Variants in ZNF600 observed in about 807,000 individuals in gnomAD.
The protein encoded by ZNF600 is zinc finger protein 600.
Under a neutral mutation model 7.3 loss-of-function variants are expected in ZNF600, and 4 were observed. The observed-to-expected ratio is 0.55, with a 90% CI of 0.27 to 1.25. ZNF600 has a LOEUF of 1.25. ZNF600 is among the 50% of genes most tolerant of loss of function. The pLI is 0.12. For missense variants in ZNF600, 911 were observed against 922.1 expected, an observed-to-expected ratio of 0.99 and a Z score of 0.16; for synonymous variants, 290 against 308.9, an observed-to-expected ratio of 0.94 and a Z score of 0.64.
chr19:52,766,827 A>G, exon 4 of ZNF600: 1 of 1,613,950 alleles, frequency 6.2e-7, no homozygotes, highest in Non-Finnish European at 8.5e-7. Context: ...CCGACTGAAA[A>G]CTTTGTCACA....
exon 4 of ZNF600, chr19:52,765,621 T>C: frequency 6.2e-7 from 1 of 1,613,978 alleles, no homozygotes; most frequent in South Asian, 1.1e-5. Flanking sequence ...AACTGCCTGA[T>C]GGTGAATAAG....
exon 4 of ZNF600, chr19:52,766,442 T>C (rs2147481700): frequency 4.3e-6 from 7 of 1,614,114 alleles, no homozygotes; most frequent in East Asian, 2.2e-5. Flanking sequence ...AAGGTTGCTC[T>C]CCAGTATGAA....
At chr19:52,810,705 C>G in the ZNF600 span, 1 of 749,126 alleles carries the variant, frequency 1.3e-6, no homozygotes. Context: ...ATTCCCCTTA[C>G]TAAAAAAAAT....
chr19:52,793,806 ACACAC>A, the ZNF600 span, among the ~76,000 whole-genome samples: 1 of 110,956 alleles, frequency 9.0e-6, no homozygotes, highest in Non-Finnish European at 1.9e-5. Context: ...ACACACACAC[ACACAC>A]ACACACAAAA....
chr19:52,821,200 TC>T, the ZNF600 span, among the ~76,000 whole-genome samples: 2,056 of 151,812 alleles, frequency 0.014, 44 homozygotes, highest in African/African-American at 0.046. Context: ...AACGCAGCCT[TC>T]CCGGGACTGG....
chr19:52,767,253 C>G, exon 4 of ZNF600: 5 of 1,614,124 alleles, frequency 3.1e-6, no homozygotes, highest in Non-Finnish European at 4.2e-6. Flanking sequence ...AAAGGCTTTG[C>G]CACTCTCATT....
intron 2 of ZNF600, among the ~76,000 whole-genome samples, chr19:52,777,981 C>T (rs899715766): frequency 6.6e-6 from 1 of 151,990 alleles, no homozygotes; most frequent in African/African-American, 2.4e-5. Context: ...CATTGTACTC[C>T]AGAACTAAGC....
At chr19:52,769,882 G>A (rs868315798) in intron 3 of ZNF600, among the ~76,000 whole-genome samples, 1 of 152,116 alleles carries the variant, frequency 6.6e-6, no homozygotes, top group Non-Finnish European at 1.5e-5. Context: ...TGAGTGGAGT[G>A]TGGCAGTTAT....
At chr19:52,803,074 A>T in the ZNF600 span, among the ~76,000 whole-genome samples, 1 of 149,314 alleles carries the variant, frequency 6.7e-6, no homozygotes. Context: ...TTTTAAAAAA[A>T]ATTTTATGTA....
the ZNF600 span, among the ~76,000 whole-genome samples, chr19:52,812,266 G>A: frequency 1.1e-4 from 15 of 139,608 alleles, 1 homozygote; most frequent in Middle Eastern, 3.7e-3. Flanking sequence ...TGGGAGGTGT[G>A]CCCAGCGGCT....
chr19:52,766,641 G>A (rs759118133), exon 4 of ZNF600: 2 of 1,613,780 alleles, frequency 1.2e-6, no homozygotes, highest in South Asian at 2.2e-5. Flanking sequence ...GCATACAAGG[G>A]ATGACTTGTG....
At chr19:52,823,995 A>T in the ZNF600 span, among the ~76,000 whole-genome samples, 1 of 151,888 alleles carries the variant, frequency 6.6e-6, no homozygotes, top group Non-Finnish European at 1.5e-5. Flanking sequence ...CCCAGGAGAC[A>T]CGGAGGTTGT....
At chr19:52,796,215 T>G in the ZNF600 span, among the ~76,000 whole-genome samples, 9 of 152,152 alleles carry the variant, frequency 5.9e-5, no homozygotes, top group Non-Finnish European at 1.3e-4. Flanking sequence ...GTCCTGGGTC[T>G]GGGGACAGGG....
chr19:52,798,086 C>T, the ZNF600 span: 2 of 155,234 alleles, frequency 1.3e-5, no homozygotes, highest in Non-Finnish European at 2.8e-5. Context: ...CATGCCACTG[C>T]ACTCCAACCT....
At chr19:52,827,243 T>TAAAAAAAAAA in the ZNF600 span, among the ~76,000 whole-genome samples, 1 of 69,286 alleles carries the variant, frequency 1.4e-5, no homozygotes, top group East Asian at 2.6e-4. Context: ...ACCCTGTCTC[T>TAAAAAAAAAA]AAAAACAAAA....
At chr19:52,796,593 A>G in the ZNF600 span, among the ~76,000 whole-genome samples, 1 of 152,316 alleles carries the variant, frequency 6.6e-6, no homozygotes, top group African/African-American at 2.4e-5. Context: ...CAGTCTCCAC[A>G]GAAGCTGAAC....
At chr19:52,800,850 C>A in the ZNF600 span, 1 of 1,614,004 alleles carries the variant, frequency 6.2e-7, no homozygotes, top group Non-Finnish European at 8.5e-7. Flanking sequence ...AGCTTTGTCA[C>A]AAACCTTACA....
chr19:52,778,043 T>A (rs1274773749), intron 2 of ZNF600, among the ~76,000 whole-genome samples: 9 of 151,972 alleles, frequency 5.9e-5, no homozygotes, highest in African/African-American at 1.9e-4. Context: ...AGACAGAGTC[T>A]CACTCTGTCT....
chr19:52,795,461 T>A, the ZNF600 span, among the ~76,000 whole-genome samples: 8 of 151,790 alleles, frequency 5.3e-5, no homozygotes, highest in South Asian at 1.2e-3. Context: ...TATATATATA[T>A]AATAAAATGT....
Sources: gnomAD v4.1 joint callset for allele counts (sites outside exome capture counted in the v4.1 genomes callset) on GRCh38, gnomAD v4.1.1 for gene constraint, MANE v1.5 for transcripts, NCBI Gene and HGNC (gene_info 2026-07-23, HGNC 2026-07-21) for gene names.